The following SKP2 variants were observed in gnomAD, a reference collection of about 807,000 sequenced individuals.
SKP2 encodes S-phase kinase-associated protein 2.
Under a neutral mutation model 51.8 loss-of-function variants are expected in SKP2, and 16 were observed. That is an observed-to-expected ratio of 0.31 (90% confidence interval 0.21 to 0.47). SKP2 has a LOEUF of 0.47. Among genes scored for constraint, SKP2 ranks in the 20% least tolerant of loss-of-function variants. The pLI is 1.00. For missense variants in SKP2, 377 were observed against 505.3 expected (o/e 0.75, Z 2.43); for synonymous variants, 176 against 198.6 (o/e 0.89, Z 0.96).
At chr5:36,153,715 T>G (rs1744839917) in intron 2 of SKP2, among the ~76,000 whole-genome samples, 2 of 152,174 alleles carry the variant, frequency 1.3e-5, no homozygotes, top group Admixed American at 1.3e-4. Context: ...GATTCATAAT[T>G]CCAACCTTCT....
At chr5:36,166,490 G>A (rs1745292667) in intron 3 of SKP2, 29 bp from the exon 4 acceptor site, 2 of 1,611,114 alleles carry the variant, frequency 1.2e-6, no homozygotes, top group African/African-American at 2.7e-5. Flanking sequence ...GTGACCGACT[G>A]GCCAAATTAA....
intron 6 of SKP2, 100 bp downstream of exon 6, chr5:36,170,542 CT>C (rs1193024970): frequency 3.0e-6 from 2 of 669,044 alleles, no homozygotes; most frequent in African/African-American, 3.7e-5. Flanking sequence ...GCTTTTTGTA[CT>C]TTCCAGGCTC....
Position 36,176,824 on chromosome 5 carries a change from AT to A in SKP2, c.902-135del, listed in dbSNP as rs571160568. 1.3e-3 allele frequency: 679 copies of A among 514,056 alleles called. 11 individuals are homozygous for A. The highest frequency in any genetic ancestry group is 0.011 in the South Asian group (307 of 26,880). The allele number at this position is 514,056 out of a possible 1,614,324, so 31.8% of individuals were successfully genotyped here. ...GAAAATTTTATGTTCCAAGATGATCATTTTTTCTTTCTAATAGTGTGTGGTT... is the reference window on the plus strand; with the variant it reads ...GAAAATTTTATGTTCCAAGATGATCATTTTTCTTTCTAATAGTGTGTGGTT... On this transcript the variant is annotated intron_variant, in intron 7 of 9. Coordinates refer to ENST00000274255, the MANE Select transcript of SKP2 (RefSeq NM_005983.4).
chr5:36,186,394 A>T (rs1216774915), downstream of SKP2, among the ~76,000 whole-genome samples: 2 of 152,206 alleles, frequency 1.3e-5, no homozygotes, highest in Non-Finnish European at 2.9e-5. Flanking sequence ...TGGGTTTGTC[A>T]TAAATAGCTC....
At chr5:36,155,349 T>C (rs988472624) in intron 2 of SKP2, 1 of 152,226 alleles carries the variant, frequency 6.6e-6, no homozygotes, top group African/African-American at 2.4e-5. Context: ...TGTAGTGAAG[T>C]CAGATCTGGG....
At chr5:36,176,254 G>A (rs767244103) in intron 7 of SKP2, among the ~76,000 whole-genome samples, 1 of 151,546 alleles carries the variant, frequency 6.6e-6, no homozygotes, top group Non-Finnish European at 1.5e-5. Context: ...CTTTATATAA[G>A]ATTAACTCAC....
chr5:36,188,590 G>A (rs991347300), downstream of SKP2, among the ~76,000 whole-genome samples: 3 of 152,090 alleles, frequency 2.0e-5, no homozygotes, highest in East Asian at 3.9e-4. Flanking sequence ...AGTTTCTGCC[G>A]AGAAATCCAC....
At chr5:36,169,377 G>A (rs144272208) in intron 5 of SKP2, among the ~76,000 whole-genome samples, 7,647 of 152,014 alleles carry the variant, frequency 0.05, 690 homozygotes, top group African/African-American at 0.18. Context: ...CCCGGGAGGC[G>A]GAGGTTGCCA....
intron 2 of SKP2, among the ~76,000 whole-genome samples, chr5:36,157,726 G>A (rs1191827720): frequency 1.3e-5 from 2 of 152,204 alleles, no homozygotes; most frequent in African/African-American, 4.8e-5. Flanking sequence ...ATTTCTGCAA[G>A]TATAATCTGA....
At chr5:36,171,816 A>G in intron 7 of SKP2, 83 bp downstream of exon 7, 1 of 1,395,868 alleles carries the variant, frequency 7.2e-7, no homozygotes. Context: ...TCATTCCTCC[A>G]CATAAGTTTT....
At chr5:36,166,987 T>C (rs1373902443) in intron 4 of SKP2, among the ~76,000 whole-genome samples, 2 of 152,114 alleles carry the variant, frequency 1.3e-5, no homozygotes, top group African/African-American at 2.4e-5. Context: ...CACTGGCAGA[T>C]GCAAGGGTGC....
intron 2 of SKP2, among the ~76,000 whole-genome samples, chr5:36,153,475 A>G (rs1278978466): frequency 6.6e-6 from 1 of 152,114 alleles, no homozygotes; most frequent in Non-Finnish European, 1.5e-5. Context: ...ACGTTCACCT[A>G]AGTGGGGGAG....
intron 2 of SKP2, among the ~76,000 whole-genome samples, chr5:36,160,453 G>C (rs554682844): frequency 6.6e-6 from 1 of 152,154 alleles, no homozygotes; most frequent in East Asian, 1.9e-4. Flanking sequence ...GAAATTTCCT[G>C]TTTAATTGTT....
chr5:36,177,104 C>G, intron 8 of SKP2, 81 bp from the exon 9 acceptor site: 1 of 1,302,426 alleles, frequency 7.7e-7, no homozygotes, highest in Admixed American at 1.7e-5. Flanking sequence ...GTTGAAGCAA[C>G]TAAACAGTAG....
In SKP2 at chr5:36,153,046, A is replaced by G; in HGVS notation, c.280+4A>G. The G allele has an allele frequency of 1.2e-6, 2 of 1,611,426 alleles. No homozygotes were observed. The highest frequency in any genetic ancestry group is 1.7e-6 in the Non-Finnish European group (2 of 1,177,860). On this transcript the variant is annotated splice_donor_region_variant and intron_variant, in intron 2 of 9. Coordinates refer to ENST00000274255, the MANE Select transcript of SKP2 (RefSeq NM_005983.4). Reference sequence around the variant, plus strand: ...CTAAATCGAGAGAACTTTCCAGGTAAGGACATGAGGGTAAAAATGTCAGTT... The same window carrying G: ...CTAAATCGAGAGAACTTTCCAGGTAGGGACATGAGGGTAAAAATGTCAGTT...
rs1195036380 is a variant in SKP2 at position 36,181,806 on chromosome 5, C to T, written c.1062-12C>T. On this transcript the variant is annotated splice_polypyrimidine_tract_variant and intron_variant, in intron 9 of 9. Transcript: ENST00000274255. ...ATACTGCTATTCTGAAAGTCTTTTT[C>T]TTCCTTTCCAGTGAACTTGGAGAAA... The T allele has an allele frequency of 2.5e-6, 4 of 1,613,234 alleles. No individual in the cohort carries two copies. In the South Asian group the frequency reaches 3.3e-5, roughly 13 times the overall value.
At chr5:36,158,625 T>C (rs1260302481) in intron 2 of SKP2, among the ~76,000 whole-genome samples, 1 of 152,238 alleles carries the variant, frequency 6.6e-6, no homozygotes, top group Non-Finnish European at 1.5e-5. Flanking sequence ...CTAGCCCTGA[T>C]TGATTTCTGT....
At chr5:36,186,796 T>A (rs1255765235), downstream of SKP2, among the ~76,000 whole-genome samples, 4 of 152,188 alleles carry the variant, frequency 2.6e-5, no homozygotes, top group African/African-American at 9.7e-5. Context: ...TTCTATTGAT[T>A]GGAATAGTTT....
At chr5:36,180,664 A>G (rs1745777612) in intron 9 of SKP2, among the ~76,000 whole-genome samples, 1 of 152,172 alleles carries the variant, frequency 6.6e-6, no homozygotes, top group Non-Finnish European at 1.5e-5. Flanking sequence ...GGGAAGCATC[A>G]AAGGTTTTGG....
Sources: allele counts gnomAD v4.1 joint callset (sites outside exome capture counted in the v4.1 genomes callset), GRCh38; gene constraint gnomAD v4.1.1; transcripts MANE v1.5; gene names NCBI Gene and HGNC (gene_info 2026-07-23, HGNC 2026-07-21).